The following PTPRD variants were observed in gnomAD, a reference collection of about 807,000 sequenced individuals.
PTPRD encodes receptor-type tyrosine-protein phosphatase delta.
Under a neutral mutation model 214.5 loss-of-function variants are expected in PTPRD, and 34 were observed. The ratio of observed to expected loss-of-function variants is 0.16; its 90% CI spans 0.12 to 0.21. PTPRD has a LOEUF of 0.21. Among genes scored for constraint, PTPRD ranks in the 10% least tolerant of loss-of-function variants. The pLI is 1.00. For synonymous variants in PTPRD, 1,128 were observed against 845.7 expected (o/e 1.33, Z -5.79); for missense variants, 2,545 against 2,398.7 (o/e 1.06, Z -1.27).
rs35627464 is a variant in PTPRD at position 9,747,539 on chromosome 9, G to GT, written c.-325-12969dup. 1.2e-3 allele frequency among the ~76,000 whole-genome samples: 161 copies of GT among 132,862 alleles called. 1 individual carries two copies. The highest frequency in any genetic ancestry group is 1.7e-3 in the Non-Finnish European group (109 of 62,518). The allele number at this position is 132,862 out of a possible 152,430, so 87.2% of individuals were successfully genotyped here. A position where few individuals can be genotyped will look rare whatever the true frequency, so the allele number is the denominator to read the frequency against. On this transcript the variant is annotated intron_variant, in intron 6 of 45. Transcript: ENST00000381196. ...TATACCTGGTGACTGAATCTTTTTTGTTTTTTTTTTTTTTTTTTCTCCCTG... is the reference window on the plus strand; with the variant it reads ...TATACCTGGTGACTGAATCTTTTTTGTTTTTTTTTTTTTTTTTTTCTCCCTG...
chr9:8,822,603 C>A (rs763845311), intron 11 of PTPRD, among the ~76,000 whole-genome samples: 69 of 152,290 alleles, frequency 4.5e-4, no homozygotes, highest in Middle Eastern at 3.4e-3. Flanking sequence ...AAGTCAAACA[C>A]ATGCTTACAA....
intron 4 of PTPRD, among the ~76,000 whole-genome samples, chr9:9,945,436 A>T (rs1030754417): frequency 2.6e-5 from 4 of 152,178 alleles, no homozygotes; most frequent in Non-Finnish European, 5.9e-5. Flanking sequence ...TGATATGAAG[A>T]TAAAAATCAA....
Position 9,329,823 on chromosome 9 carries a change from C to T in PTPRD, c.-203+67626G>A, listed in dbSNP as rs908704760. ...ATGCAAATGGGTTTTCAGTAAGGTTCCATTAGCTGTTAAGATTTAAATACA... is the reference window on the plus strand; with the variant it reads ...ATGCAAATGGGTTTTCAGTAAGGTTTCATTAGCTGTTAAGATTTAAATACA... On this transcript the variant is annotated intron_variant, in intron 9 of 45. Coordinates refer to ENST00000381196, the MANE Select transcript of PTPRD (RefSeq NM_002839.4). 6.6e-5 allele frequency among the ~76,000 whole-genome samples: 10 copies of T among 152,296 alleles called. No homozygotes were observed. In the East Asian group the frequency reaches 1.7e-3, roughly 26 times the overall value.
chr9:10,186,598 T>C (rs1182284895), intron 3 of PTPRD, among the ~76,000 whole-genome samples: 3 of 152,074 alleles, frequency 2.0e-5, no homozygotes, highest in African/African-American at 7.2e-5. Flanking sequence ...CTTGCCAAGA[T>C]AGGTTTTTGG....
chr9:10,471,289 C>T (rs556472389), intron 2 of PTPRD, among the ~76,000 whole-genome samples: 7 of 151,984 alleles, frequency 4.6e-5, no homozygotes, highest in African/African-American at 1.4e-4. Context: ...GGAACTTAAA[C>T]TATAATAAAA....
intron 2 of PTPRD, among the ~76,000 whole-genome samples, chr9:10,532,734 C>T (rs1004367479): frequency 1.3e-5 from 2 of 151,244 alleles, no homozygotes; most frequent in African/African-American, 2.4e-5. Context: ...TGAGAATTAC[C>T]TAATAAATAA....
At chr9:8,950,065 A>T (rs971923302) in intron 11 of PTPRD, among the ~76,000 whole-genome samples, 4 of 152,140 alleles carry the variant, frequency 2.6e-5, no homozygotes, top group African/African-American at 7.2e-5. Context: ...CAAAATAGGT[A>T]TTGGAATGTC....
intron 10 of PTPRD, among the ~76,000 whole-genome samples, chr9:9,039,480 A>T (rs1569489047): frequency 5.9e-5 from 9 of 152,202 alleles, no homozygotes. Context: ...CAGTGGGACC[A>T]AATCCAGCCC....
intron 37 of PTPRD, among the ~76,000 whole-genome samples, chr9:8,384,760 A>G (rs967559362): frequency 5.3e-5 from 8 of 152,196 alleles, no homozygotes; most frequent in Non-Finnish European, 1.0e-4. Context: ...TCCTGACCTC[A>G]GGTGATCTGC....
intron 5 of PTPRD, among the ~76,000 whole-genome samples, chr9:9,787,792 T>G (rs930581277): frequency 6.6e-6 from 1 of 151,452 alleles, no homozygotes; most frequent in African/African-American, 2.4e-5. Flanking sequence ...TTATTATTAT[T>G]ATTATTTGAG....
At chr9:9,584,481 TA>T (rs1251996145) in intron 7 of PTPRD, among the ~76,000 whole-genome samples, 2 of 151,868 alleles carry the variant, frequency 1.3e-5, no homozygotes, top group African/African-American at 4.8e-5. Flanking sequence ...CTGTAGCCAC[TA>T]AAGTAAAATA....
intron 3 of PTPRD, among the ~76,000 whole-genome samples, chr9:10,245,548 C>T (rs2091938811): frequency 6.6e-6 from 1 of 152,090 alleles, no homozygotes; most frequent in Non-Finnish European, 1.5e-5. Context: ...TTGGTGCACT[C>T]GCTCTTTTCA....
At chr9:10,604,167 ATTCTG>A (rs55968973) in intron 2 of PTPRD, among the ~76,000 whole-genome samples, 1 of 151,508 alleles carries the variant, frequency 6.6e-6, no homozygotes, top group South Asian at 2.1e-4. Context: ...AGGACCATAT[ATTCTG>A]ACCTATTCTG....
chr9:9,096,986 A>G (rs1460290622), intron 10 of PTPRD, among the ~76,000 whole-genome samples: 1 of 152,156 alleles, frequency 6.6e-6, no homozygotes, highest in Non-Finnish European at 1.5e-5. Flanking sequence ...ATATTTCTGA[A>G]AATATTATTA....
chr9:9,731,751 T>G (rs191221063), intron 7 of PTPRD, among the ~76,000 whole-genome samples: 1 of 152,106 alleles, frequency 6.6e-6, no homozygotes, highest in African/African-American at 2.4e-5. Context: ...TGGGTGGGAA[T>G]TGAACAATGA....
At chr9:8,490,126 G>A (rs2097120682) in intron 27 of PTPRD, among the ~76,000 whole-genome samples, 1 of 152,130 alleles carries the variant, frequency 6.6e-6, no homozygotes, top group Admixed American at 6.6e-5. Context: ...TAAGATGAAA[G>A]GGTCTTAAAT....
At chr9:8,922,806 C>T (rs951990695) in intron 11 of PTPRD, among the ~76,000 whole-genome samples, 2 of 150,182 alleles carry the variant, frequency 1.3e-5, no homozygotes, top group African/African-American at 2.5e-5. Flanking sequence ...GCCATCACGC[C>T]CGGCTAATTT....
At chr9:10,056,043 C>A (rs1238399919) in intron 3 of PTPRD, among the ~76,000 whole-genome samples, 1 of 146,174 alleles carries the variant, frequency 6.8e-6, no homozygotes, top group Admixed American at 6.6e-5. Context: ...CATTAAAGAG[C>A]CGGGCGCAGT....
chr9:10,093,749 T>C (rs1374016195), intron 3 of PTPRD, among the ~76,000 whole-genome samples: 1 of 151,440 alleles, frequency 6.6e-6, no homozygotes, highest in Non-Finnish European at 1.5e-5. Context: ...TGGAATACTA[T>C]GCAGCCATAA....
Sources: gnomAD v4.1 joint callset for allele counts (sites outside exome capture counted in the v4.1 genomes callset) on GRCh38, gnomAD v4.1.1 for gene constraint, MANE v1.5 for transcripts, NCBI Gene and HGNC (gene_info 2026-07-23, HGNC 2026-07-21) for gene names.